The following CDS2 variants were observed in gnomAD, a reference collection of about 807,000 sequenced individuals.
CDS2 encodes phosphatidate cytidylyltransferase 2.
In CDS2, 47 loss-of-function variants were observed where a neutral mutation model predicts 59.0. The ratio of observed to expected loss-of-function variants is 0.80; its 90% CI spans 0.63 to 1.02. CDS2 has a LOEUF of 1.02. Ranked by LOEUF, CDS2 falls within the 50% of genes least tolerant of loss-of-function variation. The pLI is 0.00. For synonymous variants in CDS2, 207 were observed against 206.4 expected, an observed-to-expected ratio of 1.00 and a Z score of -0.02; for missense variants, 356 against 558.9, an observed-to-expected ratio of 0.64 and a Z score of 3.66.
chr20:5,169,717 G>A (rs897734025), intron 1 of CDS2, among the ~76,000 whole-genome samples: 2 of 152,232 alleles, frequency 1.3e-5, no homozygotes, highest in Non-Finnish European at 2.9e-5. Context: ...TGAGTTCTAA[G>A]ATTTCCTCCC....
Position 5,186,821 on chromosome 20 carries a change from C to T in CDS2, c.963C>T (p.Ile321=), listed in dbSNP as rs572572444. 2 of 1,614,122 alleles carry T rather than the reference C, an allele frequency of 1.2e-6. No homozygotes were observed. Among genetic ancestry groups the T allele is most frequent in the Non-Finnish European group, 1.7e-6 (2 of 1,180,000 alleles). The change falls in exon 10 of 13, where the codon ATC becomes ATT. Residue 321 remains isoleucine (I), a synonymous_variant. Transcript: ENST00000460006. ...RLQEYNIPGV[I]QSVIGWKTVR... ...AGGAGTACAACATTCCTGGGGTGAT[C>T]CAGTCAGTCATTGGCTGGGTATGTG...
At chr20:5,163,115 G>A (rs1482520564) in intron 1 of CDS2, among the ~76,000 whole-genome samples, 7 of 152,190 alleles carry the variant, frequency 4.6e-5, no homozygotes, top group East Asian at 1.9e-4. Context: ...AGGCCAAAGC[G>A]TGAGGATCAC....
chr20:5,173,762 G>A (rs144766242), intron 2 of CDS2, 103 bp downstream of exon 2: 10 of 1,373,090 alleles, frequency 7.3e-6, no homozygotes, highest in East Asian at 2.3e-5. Context: ...GAGCAGGCCC[G>A]CTGTCTTGCC....
intron 1 of CDS2, among the ~76,000 whole-genome samples, chr20:5,158,828 A>G (rs2123010108): frequency 6.6e-6 from 1 of 152,228 alleles, no homozygotes; most frequent in Non-Finnish European, 1.5e-5. Context: ...TTTGTCAGAG[A>G]TATATGGTGG....
At chr20:5,166,054 A>C (rs1356972351) in intron 1 of CDS2, among the ~76,000 whole-genome samples, 1 of 152,162 alleles carries the variant, frequency 6.6e-6, no homozygotes, top group Non-Finnish European at 1.5e-5. Context: ...AGAGTGACAC[A>C]ATCAGAATTT....
At chr20:5,171,685 T>C (rs2123037062) in intron 1 of CDS2, among the ~76,000 whole-genome samples, 1 of 152,304 alleles carries the variant, frequency 6.6e-6, no homozygotes, top group Non-Finnish European at 1.5e-5. Flanking sequence ...TGGAGTGGTG[T>C]ACTGGGACAC....
intron 1 of CDS2, among the ~76,000 whole-genome samples, chr20:5,143,878 C>G (rs1337721352): frequency 6.6e-6 from 1 of 151,070 alleles, no homozygotes; most frequent in South Asian, 2.1e-4. Context: ...GATTTTTGTG[C>G]CTTAGCCTCC....
At chr20:5,182,486 A>C (rs745687744) in intron 6 of CDS2, 41 bp downstream of exon 6, 3 of 1,568,736 alleles carry the variant, frequency 1.9e-6, no homozygotes, top group Non-Finnish European at 2.6e-6. Flanking sequence ...TTCTTGATTT[A>C]AATGAAGTTT....
At chr20:5,185,911 T>C (rs1600515951) in intron 9 of CDS2, 85 bp downstream of exon 9, 1 of 1,327,796 alleles carries the variant, frequency 7.5e-7, no homozygotes, top group East Asian at 2.3e-5. Context: ...AGCTGGAGAG[T>C]GTCTTTGGAG....
Position 5,195,802 on chromosome 20 carries a change from G to A in CDS2, c.*5568G>A, listed in dbSNP as rs1354660750. 1 of 152,238 alleles carries A rather than the reference G, an allele frequency of 6.6e-6. No individual in the cohort carries two copies. The highest frequency in any genetic ancestry group is 1.9e-4 in the East Asian group (1 of 5,198). The allele number at this position is 152,238 out of a possible 1,614,324, so 9.4% of individuals were successfully genotyped here. On this transcript the variant is annotated 3_prime_UTR_variant, in exon 13 of 13. Transcript: ENST00000460006. ...TTCTAAAAGTAGTAACCGGGTAGAA[G>A]TGGGTGACCCATTGAGGACACATGA...
intron 7 of CDS2, 173 bp downstream of exon 7, chr20:5,183,316 G>A (rs1419813780): frequency 5.0e-6 from 3 of 604,924 alleles, no homozygotes; most frequent in Non-Finnish European, 9.0e-6. Context: ...TTAGATCTGG[G>A]GTAGGCTTGA....
Position 5,192,045 on chromosome 20 carries a change from T to G in CDS2, c.*1811T>G, listed in dbSNP as rs2091119436. 2.0e-5 allele frequency: 3 copies of G among 152,164 alleles called. 1 individual carries two copies. The highest frequency in any genetic ancestry group is 1.3e-4 in the Admixed American group (2 of 15,278). The allele number at this position is 152,164 out of a possible 1,614,324, so 9.4% of individuals were successfully genotyped here. On this transcript the variant is annotated 3_prime_UTR_variant, in exon 13 of 13. Coordinates refer to ENST00000460006, the MANE Select transcript of CDS2 (RefSeq NM_003818.4). ...GAAGTGTTTTCAGGCCCTTACATGC[T>G]TATCCTTAAGGTGAGTAGGTATCTC...
At chr20:5,186,866 G>A (rs754123690) in intron 10 of CDS2, 27 bp downstream of exon 10, 33 of 1,612,786 alleles carry the variant, frequency 2.0e-5, no homozygotes, top group Non-Finnish European at 2.6e-5. Context: ...GGGGGTGAGC[G>A]GCCTCCATGG....
chr20:5,172,365 C>T (rs1389877062), intron 1 of CDS2, among the ~76,000 whole-genome samples: 1 of 152,078 alleles, frequency 6.6e-6, no homozygotes, highest in Non-Finnish European at 1.5e-5. Context: ...ATTAGTAACA[C>T]AAAGTACTCA....
At chr20:5,148,621 T>C (rs1451381979) in intron 1 of CDS2, among the ~76,000 whole-genome samples, 3 of 152,214 alleles carry the variant, frequency 2.0e-5, no homozygotes, top group Non-Finnish European at 4.4e-5. Context: ...ATAAATCTGC[T>C]TCCAGTGTGA....
At chr20:5,150,748 C>G (rs1488472542) in intron 1 of CDS2, among the ~76,000 whole-genome samples, 2 of 152,226 alleles carry the variant, frequency 1.3e-5, no homozygotes, top group African/African-American at 2.4e-5. Context: ...TCATCTCTGT[C>G]TCCTCTCTAG....
Position 5,192,303 on chromosome 20 carries a change from G to C in CDS2, c.*2069G>C, listed in dbSNP as rs34915502. ...GGGATCAGGGAGCCGAGCATACTGG[G>C]CAAGGCTCATCATGTTCCTTTGTGG... On this transcript the variant is annotated 3_prime_UTR_variant, in exon 13 of 13. Coordinates refer to ENST00000460006, the MANE Select transcript of CDS2 (RefSeq NM_003818.4). 0.037 allele frequency: 5,627 copies of C among 150,262 alleles called. 151 individuals carry two copies. Among genetic ancestry groups the C allele is most frequent in the Non-Finnish European group, 0.059 (3,981 of 67,650 alleles). 9.3% of individuals were successfully genotyped at this position (150,262 alleles called of 1,614,324 possible). A position where few individuals can be genotyped will look rare whatever the true frequency, so the allele number is the denominator to read the frequency against.
intron 10 of CDS2, 30 bp from the exon 11 acceptor site, chr20:5,189,037 C>T: frequency 1.2e-6 from 2 of 1,613,610 alleles, no homozygotes; most frequent in Non-Finnish European, 1.7e-6. Context: ...ATGTATGCAC[C>T]TAAACTTTTA....
At chr20:5,134,488 T>A (rs996953529) in intron 1 of CDS2, among the ~76,000 whole-genome samples, 6 of 152,210 alleles carry the variant, frequency 3.9e-5, no homozygotes, top group South Asian at 2.1e-4. Flanking sequence ...CAATCTTTTT[T>A]AAATCAATAA....
Sources: gnomAD v4.1 joint callset for allele counts (sites outside exome capture counted in the v4.1 genomes callset) on GRCh38, gnomAD v4.1.1 for gene constraint, MANE v1.5 for transcripts, NCBI Gene and HGNC (gene_info 2026-07-23, HGNC 2026-07-21) for gene names.